Variants in DENND10 observed in about 807,000 individuals in gnomAD.
The protein encoded by DENND10 is DENN domain containing 10.
A neutral mutation model predicts 43.6 loss-of-function variants in DENND10; 24 were observed. That is an observed-to-expected ratio of 0.55 (90% CI 0.40 to 0.77). The LOEUF is 0.77. Ranked by LOEUF, DENND10 falls within the 30% of genes least tolerant of loss-of-function variation. The pLI is 0.00. For synonymous variants in DENND10, 125 were observed against 157.6 expected, an observed-to-expected ratio of 0.79 and a Z score of 1.55; for missense variants, 303 against 429.9, an observed-to-expected ratio of 0.70 and a Z score of 2.61.
At chr10:119,113,073 A>T (rs1417143804) in intron 3 of DENND10, among the ~76,000 whole-genome samples, 14 of 146,990 alleles carry the variant, frequency 9.5e-5, no homozygotes, top group African/African-American at 3.5e-4. Flanking sequence ...CTGGTCTTGA[A>T]CTCCTGACCT....
chr10:119,111,423 C>T (rs1326993951), intron 2 of DENND10, among the ~76,000 whole-genome samples: 1 of 149,296 alleles, frequency 6.7e-6, no homozygotes, highest in Admixed American at 6.8e-5. Flanking sequence ...CCAGCCTAGG[C>T]AACATAGTGA....
rs981438358 is a variant in DENND10 at position 119,117,764 on chromosome 10, G to A, written c.481+97G>A. The stretch of plus-strand genomic sequence containing the variant: ...GGGTGGATCACGAGGTCAGGAGATC[G>A]AGACCATCCTGGTTAACATGGTGAA... On this transcript the variant is annotated intron_variant, in intron 4 of 8. Transcript: ENST00000361432. The A allele has an allele frequency of 1.8e-5, 22 of 1,200,682 alleles. 1 individual carries two copies. Among genetic ancestry groups the A allele is most frequent in the Admixed American group, 4.5e-5 (2 of 44,326 alleles). The allele number at this position is 1,200,682 out of a possible 1,614,324, so 74.4% of individuals were successfully genotyped here.
chr10:119,106,264 A>G (rs1401072646), intron 1 of DENND10, among the ~76,000 whole-genome samples: 1 of 152,214 alleles, frequency 6.6e-6, no homozygotes, highest in Non-Finnish European at 1.5e-5. Flanking sequence ...CTTTTTTAGT[A>G]TAATGATTTC....
intron 6 of DENND10, among the ~76,000 whole-genome samples, chr10:119,127,068 T>G (rs1845871359): frequency 6.7e-6 from 1 of 149,826 alleles, no homozygotes; most frequent in Non-Finnish European, 1.5e-5. Context: ...CTGGCTAATT[T>G]TTGTATTTTT....
intron 3 of DENND10, among the ~76,000 whole-genome samples, chr10:119,113,626 C>A (rs867461753): frequency 2.5e-4 from 38 of 151,010 alleles, no homozygotes; most frequent in African/African-American, 8.5e-4. Context: ...GTTTTATAAG[C>A]CTAATAAATG....
intron 4 of DENND10, among the ~76,000 whole-genome samples, chr10:119,118,005 A>G (rs1845383338): frequency 6.6e-6 from 1 of 152,138 alleles, no homozygotes; most frequent in Non-Finnish European, 1.5e-5. Flanking sequence ...GGTAAAAACA[A>G]AACCCTTCCA....
At chr10:119,134,766 G>T (rs1433352756) in intron 8 of DENND10, 1 of 152,240 alleles carries the variant, frequency 6.6e-6, no homozygotes, top group Non-Finnish European at 1.5e-5. Flanking sequence ...CTTTTGGGAA[G>T]AGATTCCTTC....
At chr10:119,126,640 T>C (rs1845846142) in intron 6 of DENND10, among the ~76,000 whole-genome samples, 1 of 152,070 alleles carries the variant, frequency 6.6e-6, no homozygotes, top group Non-Finnish European at 1.5e-5. Flanking sequence ...AATTTTTGTA[T>C]TTTTAGTAGA....
chr10:119,127,073 AT>A (rs1324168423), intron 6 of DENND10, among the ~76,000 whole-genome samples: 135 of 134,638 alleles, frequency 1.0e-3, no homozygotes, highest in African/African-American at 2.9e-3. Context: ...TAATTTTTGT[AT>A]TTTTTTTTTT....
intron 1 of DENND10, 93 bp downstream of exon 1, chr10:119,104,290 G>C (rs1844573013): frequency 8.0e-7 from 1 of 1,245,012 alleles, no homozygotes; most frequent in Non-Finnish European, 1.1e-6. Context: ...CGCGGCCCCC[G>C]GCGCCGACCG....
rs761292929 is a variant in DENND10, at chr10:119,111,855, C to A, written c.259C>A (p.His87Asn). Residue 87 changes from histidine (H) to asparagine (N), a missense_variant, in exon 3 of 9, where the codon CAT (histidine) becomes AAT (asparagine). Coordinates refer to ENST00000361432, the MANE Select transcript of DENND10 (RefSeq NM_207009.4). ...PDSSILKKVT[H>N]FSIVLTAKDF... is the part of the protein sequence containing the mutation. ...TGTTGTTTCTTTTGAACAGGTGACT[C>A]ATTTTTCTATTGTCCTGACCGCCAA... The A allele has an allele frequency of 6.2e-7, 1 of 1,611,666 alleles. No homozygotes were observed. Among genetic ancestry groups the A allele is most frequent in the South Asian group, 1.1e-5 (1 of 90,894 alleles).
chr10:119,125,427 A>G (rs1357482632), intron 6 of DENND10, among the ~76,000 whole-genome samples: 2 of 151,338 alleles, frequency 1.3e-5, no homozygotes, highest in Non-Finnish European at 2.9e-5. Context: ...ACATCAGGGT[A>G]ATTGCAGTAT....
chr10:119,116,176 G>C (rs1488853617), intron 3 of DENND10, among the ~76,000 whole-genome samples: 1 of 152,174 alleles, frequency 6.6e-6, no homozygotes, highest in Non-Finnish European at 1.5e-5. Flanking sequence ...TTTAATTTTA[G>C]TTGCTCACAG....
rs1272873397 is a variant in DENND10 at position 119,104,160 on chromosome 10, G to A, written c.18G>A (p.Val6=). 2.0e-6 allele frequency: 3 copies of A among 1,521,466 alleles called. No individual in the cohort carries two copies. The highest frequency in any genetic ancestry group is 4.4e-5 in the Admixed American group (2 of 45,302). The allele number at this position is 1,521,466 out of a possible 1,614,324, so 94.2% of individuals were successfully genotyped here. The change falls in exon 1 of 9, where the codon GTG becomes GTA. Residue 6 remains valine (V), a synonymous_variant. Transcript: ENST00000361432. ...GGCGGAAGATGGCTGCGGCCGAGGT[G>A]GCGGACACTCAGCTGATGCTTGGAG... MAAAE[V]ADTQLMLGVG...
At chr10:119,134,185 G>C (rs964511151) in intron 8 of DENND10, 2 of 150,612 alleles carry the variant, frequency 1.3e-5, no homozygotes, top group Non-Finnish European at 1.5e-5. Context: ...GATTACAGGG[G>C]CCTGCCACCA....
chr10:119,113,198 C>T (rs1357995906), intron 3 of DENND10, among the ~76,000 whole-genome samples: 7 of 141,678 alleles, frequency 4.9e-5, no homozygotes, highest in Non-Finnish European at 6.1e-5. Context: ...TGGTTGTTGT[C>T]TTTTTTTTAG....
rs148125313 is a variant in DENND10, at chr10:119,136,530, G to A, written c.957G>A (p.Ser319=). 1.5e-3 allele frequency: 2,360 copies of A among 1,587,358 alleles called. 32 individuals carry two copies. The African/African-American group carries it at 0.028, about 19-fold the overall frequency. ...FTNLAPFSEV[S]ADGEKRVLNL... ...ACCTAGCACCGTTTTCAGAAGTTTC[G>A]GCTGATGGAGAAAAGAGAGTCCTTA... The change falls in exon 9 of 9, where the codon TCG becomes TCA. Residue 319 remains serine (S), a synonymous_variant. Transcript: ENST00000361432.
intron 2 of DENND10, among the ~76,000 whole-genome samples, chr10:119,109,262 G>C (rs1188915888): frequency 6.6e-6 from 1 of 151,556 alleles, no homozygotes; most frequent in Non-Finnish European, 1.5e-5. Flanking sequence ...AAGGCAGCTT[G>C]TGTATTAAGT....
chr10:119,136,440 A>G (rs765234029), intron 8 of DENND10, 31 bp from the exon 9 acceptor site: 2 of 1,583,566 alleles, frequency 1.3e-6, no homozygotes, highest in African/African-American at 1.4e-5. Context: ...GGATACTAAC[A>G]TGTTGCATAT....
Sources: gnomAD v4.1 joint callset for allele counts (sites outside exome capture counted in the v4.1 genomes callset) on GRCh38, gnomAD v4.1.1 for gene constraint, MANE v1.5 for transcripts, NCBI Gene and HGNC (gene_info 2026-07-23, HGNC 2026-07-21) for gene names.